Variants in SCOC observed in about 807,000 individuals in gnomAD.
SCOC encodes the protein short coiled-coil protein.
Under a neutral mutation model 9.9 loss-of-function variants are expected in SCOC, and 7 were observed. The observed-to-expected ratio is 0.71, with a 90% CI of 0.40 to 1.33. The LOEUF (loss-of-function observed/expected upper bound fraction) is 1.33. Ranked by LOEUF, SCOC falls within the 40% of genes most tolerant of loss-of-function variation. The pLI, the probability that SCOC is intolerant of heterozygous loss-of-function variation, is 0.01. For missense variants in SCOC, 66 were observed against 89.7 expected (o/e 0.74, Z 1.07); for synonymous variants, 19 against 28.2 (o/e 0.67, Z 1.03).
chr4:140,297,273 G>C lies in SCOC; in HGVS notation c.-19+39863G>C, dbSNP rs1014834948. On this transcript the variant is annotated intron_variant, in intron 1 of 4. Transcript: ENST00000394205. ...AGGAGAGCATTCTGGTGACTGTGGG[G>C]GGGGGGGCACTGTTGTCAGTATCTG... Among the ~76,000 whole-genome samples the C allele has an allele frequency of 3.7e-3, 555 of 151,210 alleles. 2 individuals carry two copies. Among genetic ancestry groups the C allele is most frequent in the African/African-American group, 0.012 (481 of 40,766 alleles).
chr4:140,339,366 T>A (rs145934477), upstream of SCOC, among the ~76,000 whole-genome samples: 125,807 of 151,524 alleles, frequency 0.83, 52,293 homozygotes, highest in African/African-American at 0.85. Context: ...AACCTAGGCA[T>A]TACCATTCAG....
At chr4:140,360,256 AC>A (rs1380629338) in intron 2 of SCOC, among the ~76,000 whole-genome samples, 1 of 152,196 alleles carries the variant, frequency 6.6e-6, no homozygotes, top group Non-Finnish European at 1.5e-5. Context: ...CTGATTTTGA[AC>A]CAATTTTGCC....
intron 2 of SCOC, among the ~76,000 whole-genome samples, chr4:140,362,278 C>T (rs1160836239): frequency 1.1e-3 from 12 of 10,570 alleles, no homozygotes; most frequent in African/African-American, 5.2e-3. Flanking sequence ...TGTGTCCTTA[C>T]TTCTTCTTCT....
At chr4:140,340,306 G>A (rs1726454076), upstream of SCOC, among the ~76,000 whole-genome samples, 1 of 151,990 alleles carries the variant, frequency 6.6e-6, no homozygotes. Flanking sequence ...GTTGTGGGGT[G>A]GGGGGATGGG....
At chr4:140,261,949 G>A (rs573228650) in intron 1 of SCOC, among the ~76,000 whole-genome samples, 13 of 152,328 alleles carry the variant, frequency 8.5e-5, no homozygotes, top group Non-Finnish European at 1.9e-4. Flanking sequence ...GAGTGCAGCA[G>A]GCCAGAGAAG....
chr4:140,298,104 T>A (rs1393224262), intron 1 of SCOC, among the ~76,000 whole-genome samples: 1 of 152,130 alleles, frequency 6.6e-6, no homozygotes, highest in East Asian at 1.9e-4. Flanking sequence ...GAAGGGGACA[T>A]CTGGTTCTCG....
At position 140,383,868 on chromosome 4, in the gene SCOC, G is replaced by A. The variant is rs983142117; in HGVS notation, c.*2764G>A. 5.3e-5 allele frequency: 8 copies of A among 152,148 alleles called. No individual in the cohort carries two copies. Among genetic ancestry groups the A allele is most frequent in the African/African-American group, 1.9e-4 (8 of 41,418 alleles). 9.4% of individuals were successfully genotyped at this position (152,148 alleles called of 1,614,324 possible). On this transcript the variant is annotated 3_prime_UTR_variant, in exon 4 of 4. Coordinates refer to ENST00000608372, the MANE Select transcript of SCOC (RefSeq NM_001153484.2). Reference sequence around the variant, plus strand: ...AATTCTCAAAGTATGTATTATTTTTGCCTTTCTTTAATGGAGGCTATCTTG... The same window carrying A: ...AATTCTCAAAGTATGTATTATTTTTACCTTTCTTTAATGGAGGCTATCTTG...
Position 140,366,813 on chromosome 4 carries a change from G to A in SCOC, c.71-12308G>A, listed in dbSNP as rs180953248. ...CCAATTTTCTGGCACGAGGTCCAGA[G>A]GGGATGTAGCCCACACGGCCAACCT... On this transcript the variant is annotated intron_variant, in intron 2 of 4. Transcript: ENST00000338517. 2.0e-3 allele frequency: 2,200 copies of A among 1,077,226 alleles called. 2 individuals are homozygous for A. The highest frequency in any genetic ancestry group is 2.7e-3 in the Non-Finnish European group (1,867 of 692,268). The allele number at this position is 1,077,226 out of a possible 1,614,324, so 66.7% of individuals were successfully genotyped here.
chr4:140,373,967 C>T (rs1489186868), intron 1 of SCOC: 2 of 667,522 alleles, frequency 3.0e-6, no homozygotes, highest in Admixed American at 2.1e-5. Flanking sequence ...AGGGACCTCT[C>T]GCGGTCCCTG....
intron 2 of SCOC, among the ~76,000 whole-genome samples, chr4:140,355,251 T>TATATATATATA (rs1560716645): frequency 2.1e-5 from 3 of 140,970 alleles, no homozygotes; most frequent in Non-Finnish European, 4.6e-5. Context: ...ATATATATAA[T>TATATATATATA]GTATATAAAA....
intron 1 of SCOC, among the ~76,000 whole-genome samples, chr4:140,288,887 A>G (rs1449200482): frequency 1.3e-5 from 2 of 152,020 alleles, no homozygotes; most frequent in Non-Finnish European, 2.9e-5. Flanking sequence ...TACCACATAC[A>G]TACACAGCTC....
upstream of SCOC, among the ~76,000 whole-genome samples, chr4:140,340,242 T>C (rs1244522345): frequency 6.6e-6 from 1 of 151,916 alleles, no homozygotes; most frequent in Admixed American, 6.6e-5. Context: ...TAGGTGGGAA[T>C]TGAACAATGA....
chr4:140,271,542 T>C (rs1730845853), intron 1 of SCOC, among the ~76,000 whole-genome samples: 2 of 152,200 alleles, frequency 1.3e-5, no homozygotes. Context: ...TGCCATAATC[T>C]AGGTGCCTGA....
intron 1 of SCOC, among the ~76,000 whole-genome samples, chr4:140,273,681 T>C (rs757601706): frequency 1.2e-4 from 19 of 152,186 alleles, no homozygotes; most frequent in Non-Finnish European, 2.5e-4. Flanking sequence ...CTGTCAAGGT[T>C]TTGAGAGGCA....
chr4:140,287,936 G>A (rs2126428527), intron 1 of SCOC, among the ~76,000 whole-genome samples: 1 of 151,946 alleles, frequency 6.6e-6, no homozygotes, highest in East Asian at 1.9e-4. Flanking sequence ...CACCACATAT[G>A]TGTGTGGGCA....
chr4:140,311,532 C>T (rs572916464), intron 1 of SCOC, among the ~76,000 whole-genome samples: 1 of 152,172 alleles, frequency 6.6e-6, no homozygotes, highest in East Asian at 1.9e-4. Flanking sequence ...GAGATGAGGA[C>T]CCCACACCCC....
chr4:140,280,228 C>T (rs1325425424), intron 1 of SCOC, among the ~76,000 whole-genome samples: 1 of 152,174 alleles, frequency 6.6e-6, no homozygotes, highest in Non-Finnish European at 1.5e-5. Flanking sequence ...GTGATCCCCC[C>T]ACCTCAGCCT....
chr4:140,306,336 G>A (rs544704867), intron 1 of SCOC, among the ~76,000 whole-genome samples: 3 of 152,258 alleles, frequency 2.0e-5, no homozygotes, highest in Non-Finnish European at 2.9e-5. Context: ...CACGACAAGT[G>A]GGAATTAGGG....
At chr4:140,331,470 C>G (rs755969440) in intron 1 of SCOC, among the ~76,000 whole-genome samples, 4 of 152,158 alleles carry the variant, frequency 2.6e-5, no homozygotes, top group African/African-American at 4.8e-5. Flanking sequence ...GAAACTGAAA[C>G]CAGACATCCA....
Sources: allele counts gnomAD v4.1 joint callset (sites outside exome capture counted in the v4.1 genomes callset), GRCh38; gene constraint gnomAD v4.1.1; transcripts MANE v1.5; gene names NCBI Gene and HGNC (gene_info 2026-07-23, HGNC 2026-07-21).